Variants in IL15 observed in about 807,000 individuals in gnomAD.
The protein encoded by IL15 is interleukin 15, also known as interleukin-15.
Under a neutral mutation model 19.6 loss-of-function variants are expected in IL15, and 11 were observed. The observed-to-expected ratio is 0.56, with a 90% CI of 0.35 to 0.93. IL15 has a LOEUF of 0.93. Ranked by LOEUF, IL15 falls within the 40% of genes least tolerant of loss-of-function variation. The pLI is 0.01. For synonymous variants in IL15, 58 were observed against 59.6 expected (o/e 0.97, Z 0.12); for missense variants, 197 against 186.5 (o/e 1.06, Z -0.33).
At chr4:141,680,850 C>T (rs1157291070) in intron 2 of IL15, among the ~76,000 whole-genome samples, 2 of 152,168 alleles carry the variant, frequency 1.3e-5, no homozygotes, top group Non-Finnish European at 2.9e-5. Context: ...TCACCTCTTT[C>T]ATTACCCTAG....
chr4:141,683,895 C>A (rs1425156897), intron 2 of IL15, among the ~76,000 whole-genome samples: 2 of 152,184 alleles, frequency 1.3e-5, no homozygotes, highest in African/African-American at 4.8e-5. Context: ...GGATTTATAA[C>A]CCAAACATAT....
chr4:141,715,552 T>C (rs979160364), intron 2 of IL15: 2 of 152,238 alleles, frequency 1.3e-5, no homozygotes, highest in African/African-American at 4.8e-5. Context: ...TTCATCTTTC[T>C]TTCTGAAATC....
chr4:141,708,316 T>A (rs2152184868), intron 2 of IL15, among the ~76,000 whole-genome samples: 1 of 152,304 alleles, frequency 6.6e-6, no homozygotes, highest in South Asian at 2.1e-4. Flanking sequence ...CAAGCATTCA[T>A]GTGAACATAG....
At chr4:141,662,034 T>C (rs1056943781) in intron 2 of IL15, among the ~76,000 whole-genome samples, 1 of 152,242 alleles carries the variant, frequency 6.6e-6, no homozygotes, top group Non-Finnish European at 1.5e-5. Flanking sequence ...TTTTCGTTTT[T>C]AGATTTCACA....
intron 2 of IL15, among the ~76,000 whole-genome samples, chr4:141,714,272 C>T (rs1729801648): frequency 6.6e-6 from 1 of 152,116 alleles, no homozygotes; most frequent in South Asian, 2.1e-4. Flanking sequence ...AGCCCTCGCC[C>T]CCTCTTGGAG....
intron 2 of IL15, among the ~76,000 whole-genome samples, chr4:141,656,579 A>T (rs41308481): frequency 0.031 from 4,713 of 152,296 alleles, 108 homozygotes; most frequent in African/African-American, 0.063. Context: ...TGTCACAATG[A>T]GTCAACTCTG....
At chr4:141,696,064 G>A (rs1729082316) in intron 2 of IL15, among the ~76,000 whole-genome samples, 1 of 151,878 alleles carries the variant, frequency 6.6e-6, no homozygotes, top group Admixed American at 6.6e-5. Context: ...ATTTTCTTCT[G>A]GTAGTTTCAC....
chr4:141,659,992 AC>A (rs1157854538), intron 2 of IL15, among the ~76,000 whole-genome samples: 1 of 152,046 alleles, frequency 6.6e-6, no homozygotes, highest in Non-Finnish European at 1.5e-5. Flanking sequence ...GGAATTAAAG[AC>A]CTCAAGTATC....
At chr4:141,685,076 A>G (rs1035317455) in intron 2 of IL15, among the ~76,000 whole-genome samples, 16 of 152,168 alleles carry the variant, frequency 1.1e-4, no homozygotes, top group Non-Finnish European at 8.8e-5. Context: ...GATTCAAATC[A>G]ATGGACATTT....
chr4:141,655,584 A>G (rs1022574456), intron 1 of IL15, among the ~76,000 whole-genome samples: 6 of 152,192 alleles, frequency 3.9e-5, no homozygotes, highest in African/African-American at 1.4e-4. Flanking sequence ...TAAATGGCAT[A>G]ATAAGTTGGA....
intron 1 of IL15, among the ~76,000 whole-genome samples, chr4:141,643,255 C>A (rs1727113129): frequency 6.6e-6 from 1 of 152,108 alleles, no homozygotes; most frequent in Non-Finnish European, 1.5e-5. Context: ...TACCATGTAG[C>A]CATGCTATAA....
intron 5 of IL15, among the ~76,000 whole-genome samples, chr4:141,726,886 G>C (rs1010735807): frequency 4.6e-5 from 7 of 152,094 alleles, no homozygotes; most frequent in African/African-American, 1.7e-4. Flanking sequence ...AAAGAAATAA[G>C]CTATCAAGCC....
In IL15 at chr4:141,733,819, A is replaced by T. The variant is rs1730534413; in HGVS notation, c.*971A>T. 1 of 152,210 alleles carries T rather than the reference A, an allele frequency of 6.6e-6. No individual in the cohort carries two copies. The highest frequency in any genetic ancestry group is 2.4e-5 in the African/African-American group (1 of 41,450). 9.4% of individuals were successfully genotyped at this position (152,210 alleles called of 1,614,324 possible). A position where few individuals can be genotyped will look rare whatever the true frequency, so the allele number is the denominator to read the frequency against. On this transcript the variant is annotated 3_prime_UTR_variant, in exon 8 of 8. Transcript: ENST00000320650. ...TTCACATTCTTTTTGCCATGTTTAT[A>T]TAATAATAAAGAAAAACCCTGTTGA... is the stretch of plus-strand genomic sequence containing the variant.
At chr4:141,701,636 G>A (rs944519276) in intron 2 of IL15, among the ~76,000 whole-genome samples, 1 of 152,156 alleles carries the variant, frequency 6.6e-6, no homozygotes, top group African/African-American at 2.4e-5. Flanking sequence ...GTAGTCACTG[G>A]TTGTAGCTAA....
chr4:141,669,776 ATTT>A (rs3075127), intron 2 of IL15, among the ~76,000 whole-genome samples: 5,643 of 149,078 alleles, frequency 0.038, 344 homozygotes, highest in African/African-American at 0.13. Flanking sequence ...TATTCTTTGT[ATTT>A]TTTTTTTTTT....
intron 2 of IL15, among the ~76,000 whole-genome samples, chr4:141,713,961 T>TA (rs1458989835): frequency 2.0e-5 from 3 of 152,044 alleles, no homozygotes; most frequent in Non-Finnish European, 4.4e-5. Context: ...AGAAAACACA[T>TA]ACCACCCTAA....
chr4:141,638,145 A>G (rs1372183992), intron 1 of IL15, among the ~76,000 whole-genome samples: 2 of 152,240 alleles, frequency 1.3e-5, no homozygotes, highest in Admixed American at 6.5e-5. Context: ...GTGTGAAGTA[A>G]TGTGGCCAAC....
intron 2 of IL15, among the ~76,000 whole-genome samples, chr4:141,682,308 T>C (rs2152172997): frequency 6.6e-6 from 1 of 152,318 alleles, no homozygotes; most frequent in South Asian, 2.1e-4. Context: ...GAAAGAAAAT[T>C]TGAATAGTAG....
At chr4:141,723,792 C>T (rs1361439379) in intron 5 of IL15, among the ~76,000 whole-genome samples, 1 of 152,030 alleles carries the variant, frequency 6.6e-6, no homozygotes, top group Non-Finnish European at 1.5e-5. Context: ...GTGAGGAAAA[C>T]ATAATGTTCT....
Sources: allele counts gnomAD v4.1 joint callset (sites outside exome capture counted in the v4.1 genomes callset), GRCh38; gene constraint gnomAD v4.1.1; transcripts MANE v1.5; gene names NCBI Gene and HGNC (gene_info 2026-07-23, HGNC 2026-07-21).